Variants in EVC2 observed in about 807,000 individuals in gnomAD.
The protein encoded by EVC2 is limbin.
Under a neutral mutation model 149.3 loss-of-function variants are expected in EVC2, and 148 were observed. That is an observed-to-expected ratio of 0.99 (90% confidence interval 0.87 to 1.14). The LOEUF (loss-of-function observed/expected upper bound fraction) is 1.14, where lower values mean the gene tolerates loss of function less well. Among genes scored for constraint, EVC2 ranks in the 50% most tolerant of loss-of-function variants. The pLI is 0.00. For missense variants in EVC2, 1,854 were observed against 1,627.3 expected (o/e 1.14, Z -2.40); for synonymous variants, 776 against 649.9 (o/e 1.19, Z -2.95).
At chr4:5,550,970 T>C (rs367602460) in intron 21 of EVC2, among the ~76,000 whole-genome samples, 20 of 152,284 alleles carry the variant, frequency 1.3e-4, no homozygotes, top group African/African-American at 2.9e-4. Flanking sequence ...AAGTCAAAAA[T>C]TGTGGTTTGG....
At chr4:5,598,137 T>C (rs1405674897) in intron 16 of EVC2, among the ~76,000 whole-genome samples, 3 of 150,378 alleles carry the variant, frequency 2.0e-5, no homozygotes, top group Admixed American at 6.6e-5. Flanking sequence ...AAAATGGCCA[T>C]ACTGCCCAAG....
chr4:5,672,704 G>T (rs369443295), intron 7 of EVC2, among the ~76,000 whole-genome samples: 1 of 152,106 alleles, frequency 6.6e-6, no homozygotes, highest in African/African-American at 2.4e-5. Flanking sequence ...ACAGGTATTC[G>T]AACAAAAATC....
chr4:5,616,050 T>C (rs988277639), intron 15 of EVC2, among the ~76,000 whole-genome samples: 11 of 152,132 alleles, frequency 7.2e-5, no homozygotes, highest in Non-Finnish European at 1.5e-4. Flanking sequence ...GGGATAGCCC[T>C]AGAGAGGGCC....
intron 21 of EVC2, among the ~76,000 whole-genome samples, chr4:5,546,328 C>T (rs921723324): frequency 3.9e-5 from 6 of 152,058 alleles, no homozygotes; most frequent in Admixed American, 6.6e-5. Context: ...TGTCCAACAA[C>T]GATAGACTGG....
intron 16 of EVC2, among the ~76,000 whole-genome samples, chr4:5,590,738 C>T (rs74503558): frequency 6.6e-6 from 1 of 152,102 alleles, no homozygotes; most frequent in Non-Finnish European, 1.5e-5. Flanking sequence ...CATGCTAGCA[C>T]CACCATTTTT....
intron 9 of EVC2, among the ~76,000 whole-genome samples, chr4:5,661,505 G>C (rs968600298): frequency 1.3e-5 from 2 of 152,274 alleles, no homozygotes; most frequent in Non-Finnish European, 2.9e-5. Flanking sequence ...CTAGATAACA[G>C]ACACAGAACG....
intron 21 of EVC2, among the ~76,000 whole-genome samples, chr4:5,556,886 G>A (rs1721849738): frequency 6.7e-6 from 1 of 150,122 alleles, no homozygotes; most frequent in African/African-American, 2.4e-5. Flanking sequence ...ACAACGTGAA[G>A]GAGATAACCT....
chr4:5,689,690 C>T (rs1225493271), intron 4 of EVC2, among the ~76,000 whole-genome samples: 5 of 152,160 alleles, frequency 3.3e-5, no homozygotes, highest in Admixed American at 2.6e-4. Flanking sequence ...AACAATGGCT[C>T]CTTGGTACTT....
At chr4:5,649,736 A>T (rs1334789387) in intron 9 of EVC2, among the ~76,000 whole-genome samples, 1 of 152,196 alleles carries the variant, frequency 6.6e-6, no homozygotes. Flanking sequence ...GTGTAAGCAC[A>T]ATAGACCCCC....
chr4:5,558,194 AT>A (rs1196102001), downstream of EVC2, among the ~76,000 whole-genome samples: 1 of 152,222 alleles, frequency 6.6e-6, no homozygotes, highest in Non-Finnish European at 1.5e-5. Context: ...ATAGTGTGGT[AT>A]TGGTGAAGGA....
rs561259591 is a variant in EVC2, at chr4:5,594,338, G to A, written c.2830-9488C>T. 2.6e-5 allele frequency among the ~76,000 whole-genome samples: 4 copies of A among 152,280 alleles called. No homozygotes were observed. The East Asian group carries it at 7.8e-4, about 30-fold the overall frequency. On this transcript the variant is annotated intron_variant, in intron 16 of 21. Coordinates refer to ENST00000344408, the MANE Select transcript of EVC2 (RefSeq NM_147127.5). The stretch of plus-strand genomic sequence containing the variant: ...AGGCACCTCCCAGTAGGGGCAGACT[G>A]ACACCTCACACGGCCGGGTACTCCT...
intron 10 of EVC2, among the ~76,000 whole-genome samples, chr4:5,632,612 T>C (rs1007786208): frequency 1.3e-5 from 2 of 152,176 alleles, no homozygotes; most frequent in Admixed American, 6.5e-5. Context: ...CATTCTCAAC[T>C]TCACTGAAGA....
chr4:5,698,248 C>T (rs1332142488), intron 1 of EVC2, among the ~76,000 whole-genome samples: 2 of 152,154 alleles, frequency 1.3e-5, no homozygotes, highest in Admixed American at 6.5e-5. Context: ...TGGGTTCAAA[C>T]GTTAGCCCTG....
In EVC2 at chr4:5,679,457, T is replaced by C. The variant is rs1284822959; in HGVS notation, c.870+1803A>G. On this transcript the variant is annotated intron_variant, in intron 7 of 21. Transcript: ENST00000344408. This position sits in a 1 kb window ranked among gnomAD's most constrained non-coding sequence, Gnocchi z 5.1. ...TTAGCCATGTTGGCCAGGCTGATCT[T>C]GAACTCCTGGCTTCAAGTGATCAGC... is the stretch of plus-strand genomic sequence containing the variant. 3.3e-5 allele frequency among the ~76,000 whole-genome samples: 5 copies of C among 152,116 alleles called. No individual in the cohort carries two copies. The highest frequency in any genetic ancestry group is 4.8e-5 in the African/African-American group (2 of 41,422).
chr4:5,638,231 A>G (rs998871025), intron 10 of EVC2, among the ~76,000 whole-genome samples: 2 of 152,108 alleles, frequency 1.3e-5, no homozygotes, highest in Non-Finnish European at 2.9e-5. Context: ...TCTACTAAAA[A>G]TATCAAAATT....
chr4:5,703,135 G>A (rs985423118), intron 1 of EVC2, among the ~76,000 whole-genome samples: 6 of 152,358 alleles, frequency 3.9e-5, no homozygotes, highest in Admixed American at 2.0e-4. Context: ...CCATAGGCTA[G>A]TTAATACAGA....
chr4:5,688,533 A>G (rs944409181), intron 5 of EVC2, among the ~76,000 whole-genome samples: 1 of 152,152 alleles, frequency 6.6e-6, no homozygotes, highest in African/African-American at 2.4e-5. Context: ...AAGCCATGGT[A>G]CCAACTGAAT....
At chr4:5,687,182 G>A (rs1426524538) in intron 5 of EVC2, among the ~76,000 whole-genome samples, 3 of 152,140 alleles carry the variant, frequency 2.0e-5, no homozygotes, top group South Asian at 2.1e-4. Context: ...ACTTAAATTC[G>A]GCAGGTGGAG....
intron 1 of EVC2, among the ~76,000 whole-genome samples, chr4:5,702,823 T>C (rs1721908205): frequency 6.6e-6 from 1 of 152,178 alleles, no homozygotes; most frequent in African/African-American, 2.4e-5. Flanking sequence ...TGGGTGGACA[T>C]CTTCACCTCA....
Sources: gnomAD v4.1 joint callset for allele counts (sites outside exome capture counted in the v4.1 genomes callset) on GRCh38, gnomAD v4.1.1 for gene constraint, Gnocchi (gnomAD v3.1) non-coding constraint, MANE v1.5 for transcripts, NCBI Gene and HGNC (gene_info 2026-07-23, HGNC 2026-07-21) for gene names.